The following RAB38 variants were observed in gnomAD, a reference collection of about 807,000 sequenced individuals.
The protein encoded by RAB38 is ras-related protein Rab-38.
A neutral mutation model predicts 18.4 loss-of-function variants in RAB38; 15 were observed. The observed-to-expected ratio is 0.82, with a 90% CI of 0.55 to 1.26. The LOEUF is 1.26. Among genes scored for constraint, RAB38 ranks in the 50% most tolerant of loss-of-function variants. The pLI is 0.00. For synonymous variants in RAB38, 101 were observed against 104.4 expected (o/e 0.97, Z 0.20); for missense variants, 294 against 267.4 (o/e 1.10, Z -0.69).
At chr11:87,827,901 T>C in the RAB38 span, among the ~76,000 whole-genome samples, 7 of 152,214 alleles carry the variant, frequency 4.6e-5, no homozygotes, top group Non-Finnish European at 1.0e-4. Flanking sequence ...GATTAAAAAC[T>C]GACAGCTTCT....
intron 2 of RAB38, among the ~76,000 whole-genome samples, chr11:88,126,979 T>C (rs372088697): frequency 1.3e-5 from 2 of 152,194 alleles, no homozygotes; most frequent in Admixed American, 1.3e-4. Flanking sequence ...AAGTCATATA[T>C]GAGACTGGAG....
At chr11:87,926,623 T>C in the RAB38 span, among the ~76,000 whole-genome samples, 1 of 152,038 alleles carries the variant, frequency 6.6e-6, no homozygotes, top group African/African-American at 2.4e-5. Context: ...TATGTCATTG[T>C]AGATAATTCT....
the RAB38 span, among the ~76,000 whole-genome samples, chr11:87,878,310 T>TATCA: frequency 8.4e-5 from 11 of 130,532 alleles, no homozygotes; most frequent in African/African-American, 2.4e-4. Context: ...ACCTATCATC[T>TATCA]ATCTATCATC....
At chr11:88,039,979 G>C in the RAB38 span, among the ~76,000 whole-genome samples, 5 of 152,110 alleles carry the variant, frequency 3.3e-5, no homozygotes, top group Non-Finnish European at 7.4e-5. Flanking sequence ...ACAAAAAACT[G>C]GCATTTGCTC....
At chr11:88,036,383 C>T in the RAB38 span, among the ~76,000 whole-genome samples, 1 of 152,160 alleles carries the variant, frequency 6.6e-6, no homozygotes, top group African/African-American at 2.4e-5. Flanking sequence ...CTTTCCATGG[C>T]TTAATTGCAT....
At chr11:88,124,270 A>G (rs186748165) in intron 2 of RAB38, among the ~76,000 whole-genome samples, 100 of 152,370 alleles carry the variant, frequency 6.6e-4, no homozygotes, top group African/African-American at 2.3e-3. Flanking sequence ...CAAAATTGAC[A>G]AATGGGATCT....
the RAB38 span, among the ~76,000 whole-genome samples, chr11:88,029,422 G>C: frequency 6.6e-6 from 1 of 151,930 alleles, no homozygotes; most frequent in Admixed American, 6.6e-5. Context: ...CCAATTAAAA[G>C]ACACAGACTG....
the RAB38 span, among the ~76,000 whole-genome samples, chr11:88,076,587 A>G: frequency 1.3e-5 from 2 of 152,284 alleles, no homozygotes; most frequent in East Asian, 1.9e-4. Flanking sequence ...CAGGATATAA[A>G]ATCAACATAC....
the RAB38 span, among the ~76,000 whole-genome samples, chr11:87,973,372 T>G: frequency 3.3e-5 from 5 of 152,034 alleles, no homozygotes; most frequent in Non-Finnish European, 7.4e-5. Context: ...CTGATGCAAA[T>G]AACTCTGAAG....
chr11:87,827,836 G>A, the RAB38 span, among the ~76,000 whole-genome samples: 1 of 152,122 alleles, frequency 6.6e-6, no homozygotes, highest in Admixed American at 6.6e-5. Flanking sequence ...TGTACCTTAC[G>A]AAATAGCGAA....
chr11:87,969,644 T>A, the RAB38 span, among the ~76,000 whole-genome samples: 1 of 152,122 alleles, frequency 6.6e-6, no homozygotes, highest in Non-Finnish European at 1.5e-5. Context: ...ATAGACCTCA[T>A]TTGGTCTGTG....
chr11:87,857,365 T>C, the RAB38 span, among the ~76,000 whole-genome samples: 2 of 152,190 alleles, frequency 1.3e-5, no homozygotes, highest in East Asian at 3.8e-4. Flanking sequence ...TTATAATCCT[T>C]TGGATATATA....
the RAB38 span, among the ~76,000 whole-genome samples, chr11:87,834,444 G>T: frequency 1.3e-5 from 2 of 152,160 alleles, no homozygotes; most frequent in East Asian, 1.9e-4. Flanking sequence ...TTAAGCTACA[G>T]CGTTTGTTTT....
At chr11:88,004,225 G>C in the RAB38 span, among the ~76,000 whole-genome samples, 8 of 150,172 alleles carry the variant, frequency 5.3e-5, no homozygotes, top group South Asian at 2.1e-4. Flanking sequence ...CGTGAATACA[G>C]ATTTAAAAAG....
the RAB38 span, among the ~76,000 whole-genome samples, chr11:87,976,351 T>C: frequency 7.0e-6 from 1 of 142,582 alleles, no homozygotes; most frequent in Non-Finnish European, 1.5e-5. Context: ...ATATATAAAA[T>C]ATAAATATAA....
At chr11:88,150,060 C>G in intron 1 of RAB38, 105 bp from the exon 2 acceptor site, 1 of 1,197,666 alleles carries the variant, frequency 8.3e-7, no homozygotes, top group Non-Finnish European at 1.2e-6. Context: ...CAGTAAAGTG[C>G]TTCGTCTTTA....
the RAB38 span, among the ~76,000 whole-genome samples, chr11:88,101,524 T>A: frequency 6.6e-6 from 1 of 151,794 alleles, no homozygotes; most frequent in Admixed American, 6.6e-5. Flanking sequence ...GAGAAAAAAA[T>A]TAGGTCCCAA....
the RAB38 span, among the ~76,000 whole-genome samples, chr11:87,894,788 CATAT>C: frequency 6.7e-6 from 1 of 149,174 alleles, no homozygotes; most frequent in African/African-American, 2.5e-5. Flanking sequence ...CATTATATAT[CATAT>C]ATATATATGA....
the RAB38 span, among the ~76,000 whole-genome samples, chr11:87,971,229 A>G: frequency 1.3e-4 from 20 of 152,218 alleles, no homozygotes; most frequent in African/African-American, 4.8e-4. Flanking sequence ...CAGTGGATTT[A>G]ATTGGCTATG....
Sources: allele counts gnomAD v4.1 joint callset (sites outside exome capture counted in the v4.1 genomes callset), GRCh38; gene constraint gnomAD v4.1.1; transcripts MANE v1.5; gene names NCBI Gene and HGNC (gene_info 2026-07-23, HGNC 2026-07-21).